SRBD1: variants seen among roughly 807,000 people sequenced by gnomAD.
SRBD1 encodes the protein S1 RNA binding domain 1.
SRBD1 carries 88 observed loss-of-function variants against 115.3 expected under a neutral mutation model. That is an observed-to-expected ratio of 0.76 (90% CI 0.64 to 0.91). The LOEUF (loss-of-function observed/expected upper bound fraction) is 0.91. Ranked by LOEUF, SRBD1 falls within the 40% of genes least tolerant of loss-of-function variation. The pLI is 0.00. For missense variants in SRBD1, 1,385 were observed against 1,177.4 expected (o/e 1.18, Z -2.58); for synonymous variants, 509 against 407.7 (o/e 1.25, Z -2.99).
At chr2:45,415,866 G>A in intron 18 of SRBD1, among the ~76,000 whole-genome samples, 1 of 151,424 alleles carries the variant, frequency 6.6e-6, no homozygotes, top group East Asian at 2.0e-4. Context: ...GAGGCAGAGA[G>A]AGTTGAAGAG....
chr2:45,468,973 G>A (rs558938198), intron 16 of SRBD1, among the ~76,000 whole-genome samples: 153 of 152,140 alleles, frequency 1.0e-3, no homozygotes, highest in Non-Finnish European at 1.6e-3. Flanking sequence ...GTAAGAGAGA[G>A]AAATTTTTTC....
chr2:45,419,934 G>C, intron 16 of SRBD1, 40 bp from the exon 17 acceptor site: 1 of 1,537,748 alleles, frequency 6.5e-7, no homozygotes, highest in Non-Finnish European at 8.9e-7. Context: ...TGAAGGAGAT[G>C]TAGTTCTTGG....
intron 10 of SRBD1, among the ~76,000 whole-genome samples, chr2:45,554,915 C>G (rs538704501): frequency 3.7e-4 from 56 of 152,232 alleles, no homozygotes; most frequent in Non-Finnish European, 1.0e-4. Context: ...CATTTGAATA[C>G]TCTTTCAGGT....
intron 19 of SRBD1, among the ~76,000 whole-genome samples, chr2:45,412,625 C>G (rs982958905): frequency 6.6e-6 from 1 of 151,942 alleles, no homozygotes; most frequent in African/African-American, 2.4e-5. Context: ...CTTTTTATAC[C>G]GTAAACTTCC....
chr2:45,561,019 A>G (rs1672645120), intron 10 of SRBD1, among the ~76,000 whole-genome samples: 1 of 152,100 alleles, frequency 6.6e-6, no homozygotes, highest in African/African-American at 2.4e-5. Context: ...AAGTGGGAGA[A>G]TCACTGGAGT....
chr2:45,414,396 T>C (rs1572610829), intron 18 of SRBD1, among the ~76,000 whole-genome samples: 1 of 151,112 alleles, frequency 6.6e-6, no homozygotes, highest in Non-Finnish European at 1.5e-5. Flanking sequence ...ATGATGTAAA[T>C]ATATATACAT....
At chr2:45,541,362 TC>T (rs1453374734) in intron 14 of SRBD1, among the ~76,000 whole-genome samples, 1 of 152,204 alleles carries the variant, frequency 6.6e-6, no homozygotes, top group African/African-American at 2.4e-5. Flanking sequence ...GGGCTGCAGC[TC>T]TTTTCTCCTT....
At chr2:45,541,609 T>C (rs1671941180) in intron 14 of SRBD1, among the ~76,000 whole-genome samples, 1 of 152,134 alleles carries the variant, frequency 6.6e-6, no homozygotes, top group African/African-American at 2.4e-5. Context: ...TCCCAATGAG[T>C]GTCTAGCTCT....
At chr2:45,429,193 T>C (rs372311970) in intron 16 of SRBD1, among the ~76,000 whole-genome samples, 5 of 152,152 alleles carry the variant, frequency 3.3e-5, no homozygotes, top group South Asian at 4.2e-4. Flanking sequence ...CCTGAAGAAT[T>C]TGCAGTTGAA....
chr2:45,505,841 C>G (rs892977567), intron 14 of SRBD1, among the ~76,000 whole-genome samples: 8 of 152,170 alleles, frequency 5.3e-5, no homozygotes, highest in Admixed American at 4.6e-4. Flanking sequence ...AACCTGATCT[C>G]TGGACTGTTA....
At chr2:45,429,012 T>G (rs768871960) in intron 16 of SRBD1, among the ~76,000 whole-genome samples, 7 of 152,110 alleles carry the variant, frequency 4.6e-5, no homozygotes, top group Non-Finnish European at 8.8e-5. Flanking sequence ...GAGAATACTA[T>G]AAACACCTTT....
At chr2:45,407,523 C>T (rs1667473031) in intron 19 of SRBD1, among the ~76,000 whole-genome samples, 1 of 152,160 alleles carries the variant, frequency 6.6e-6, no homozygotes, top group South Asian at 2.1e-4. Context: ...TTATTAGGCT[C>T]CTTGAGAGCA....
rs74966158 is a variant in SRBD1 at position 45,603,148 on chromosome 2, A to G, written c.81-1065T>C. Among the ~76,000 whole-genome samples the G allele has an allele frequency of 5.3e-3, 803 of 152,332 alleles. 3 individuals are homozygous for G. Among genetic ancestry groups the G allele is most frequent in the Middle Eastern group, 0.014 (4 of 294 alleles). Reference sequence around the variant, plus strand: ...TCTTCCCTCCTTAGTCTCATCACCTATCAACCAGGATTACTGACTAACCCT... The same window carrying G: ...TCTTCCCTCCTTAGTCTCATCACCTGTCAACCAGGATTACTGACTAACCCT... On this transcript the variant is annotated intron_variant, in intron 2 of 20. Transcript: ENST00000263736.
chr2:45,437,409 G>T (rs1253690488), intron 16 of SRBD1, among the ~76,000 whole-genome samples: 4 of 141,606 alleles, frequency 2.8e-5, no homozygotes, highest in African/African-American at 1.1e-4. Context: ...AGCACCAAAA[G>T]ACCCATATAC....
chr2:45,500,302 T>A (rs1670590192), intron 14 of SRBD1, among the ~76,000 whole-genome samples: 1 of 151,662 alleles, frequency 6.6e-6, no homozygotes. Flanking sequence ...TGTGTGTGTA[T>A]GTGTGTGTTT....
chr2:45,482,704 A>G (rs560902491), intron 15 of SRBD1, among the ~76,000 whole-genome samples: 81 of 152,132 alleles, frequency 5.3e-4, no homozygotes, highest in African/African-American at 1.9e-3. Context: ...GAAATTTCAC[A>G]GAATTTCACT....
intron 4 of SRBD1, among the ~76,000 whole-genome samples, chr2:45,596,985 C>T (rs1198997435): frequency 1.9e-5 from 2 of 107,628 alleles, no homozygotes; most frequent in Non-Finnish European, 3.8e-5. Flanking sequence ...ACACCCACAA[C>T]CCTCACACAC....
chr2:45,511,698 T>C (rs571042935), intron 14 of SRBD1, among the ~76,000 whole-genome samples: 1 of 152,322 alleles, frequency 6.6e-6, no homozygotes, highest in East Asian at 1.9e-4. Flanking sequence ...CATGCATATA[T>C]TCCTTCTGCA....
Position 45,585,577 on chromosome 2 carries a change from C to T in SRBD1, c.815+31G>A, listed in dbSNP as rs568495033. On this transcript the variant is annotated intron_variant, in intron 5 of 20. Transcript: ENST00000263736. ...GTTCCTCATTGGCCTTTTCCCCTTA[C>T]ACTAGGCTTATTCTTTTTTAGGTTT... 6.3e-6 allele frequency: 10 copies of T among 1,595,602 alleles called. No individual in the cohort carries two copies. The South Asian group carries it at 1.0e-4, about 17-fold the overall frequency.
Sources: allele counts gnomAD v4.1 joint callset (sites outside exome capture counted in the v4.1 genomes callset), GRCh38; gene constraint gnomAD v4.1.1; transcripts MANE v1.5; gene names NCBI Gene and HGNC (gene_info 2026-07-23, HGNC 2026-07-21).